TFAP2E: variants seen among roughly 807,000 people sequenced by gnomAD.
The protein encoded by TFAP2E is transcription factor AP-2 epsilon.
TFAP2E carries 30 observed loss-of-function variants against 37.9 expected under a neutral mutation model. The ratio of observed to expected loss-of-function variants is 0.79; its 90% CI spans 0.59 to 1.07. The LOEUF (loss-of-function observed/expected upper bound fraction) is 1.07. TFAP2E is among the 50% of genes least tolerant of loss of function. The pLI is 0.00. For synonymous variants in TFAP2E, 318 were observed against 295.8 expected (o/e 1.08, Z -0.77); for missense variants, 567 against 637.9 (o/e 0.89, Z 1.20).
At chr1:35,578,026 G>A (rs1649233217) in intron 3 of TFAP2E, among the ~76,000 whole-genome samples, 1 of 152,158 alleles carries the variant, frequency 6.6e-6, no homozygotes, top group Non-Finnish European at 1.5e-5. Context: ...GGGGCTGTAT[G>A]GGACGCGGGA....
At chr1:35,584,570 G>T (rs1278638578) in intron 3 of TFAP2E, among the ~76,000 whole-genome samples, 3 of 150,616 alleles carry the variant, frequency 2.0e-5, no homozygotes, top group African/African-American at 7.5e-5. Flanking sequence ...TTGTTTTTGA[G>T]ACAGGGTCTC....
Position 35,588,371 on chromosome 1 carries a change from T to C in TFAP2E, c.604T>C (p.Leu202=). ...AGCCAGCAGCCTCTCAGCCCTCTCC[T>C]TGGCCAAAGACAGCCTGGTGGGCGG... ...SKASSLSALS[L]AKDSLVGGIT... is the part of the protein sequence containing the mutation. Residue 202 remains leucine (L), a synonymous_variant, in exon 4 of 7, where the codon TTG becomes CTG. Coordinates refer to ENST00000373235, the MANE Select transcript of TFAP2E (RefSeq NM_178548.4). The surrounding 1 kb of genome is among the most constrained non-coding windows in gnomAD (Gnocchi z 5.1). 1 of 1,613,652 alleles carries C rather than the reference T, an allele frequency of 6.2e-7. No homozygotes were observed. The highest frequency in any genetic ancestry group is 8.5e-7 in the Non-Finnish European group (1 of 1,179,954).
At chr1:35,586,423 T>C (rs1649482507) in intron 3 of TFAP2E, among the ~76,000 whole-genome samples, 1 of 152,184 alleles carries the variant, frequency 6.6e-6, no homozygotes, top group Non-Finnish European at 1.5e-5. Flanking sequence ...GACCGGGCTC[T>C]GATGAGTTTT....
In TFAP2E at chr1:35,573,512, C is replaced by T. The variant is rs1649069552; in HGVS notation, c.-66C>T. On this transcript the variant is annotated 5_prime_UTR_variant, in exon 1 of 7. Transcript: ENST00000373235. This position sits in a 1 kb window ranked among gnomAD's most constrained non-coding sequence, Gnocchi z 5.9. Reference sequence around the variant, plus strand: ...TGTGCCGGCTCCCGGCGCCTCTGCCCGCAGCGCTCGCCGTCGGGCTAGGGC... The same window carrying T: ...TGTGCCGGCTCCCGGCGCCTCTGCCTGCAGCGCTCGCCGTCGGGCTAGGGC... 2 of 1,447,674 alleles carry T rather than the reference C, an allele frequency of 1.4e-6. No homozygotes were observed. The highest frequency in any genetic ancestry group is 3.0e-5 in the Admixed American group (1 of 33,686). 89.7% of individuals were successfully genotyped at this position (1,447,674 alleles called of 1,614,324 possible).
Position 35,590,852 on chromosome 1 carries a change from C to T in TFAP2E, c.1046+77C>T. Reference sequence around the variant, plus strand: ...CATCATGTATGGGCACAATGGACACCACTGTGTACATGAGCAGTGGGCACA... The same window carrying T: ...CATCATGTATGGGCACAATGGACACTACTGTGTACATGAGCAGTGGGCACA... On this transcript the variant is annotated intron_variant, in intron 6 of 6. Transcript: ENST00000373235. This position sits in a 1 kb window ranked among gnomAD's most constrained non-coding sequence, Gnocchi z 6.2. 8 of 1,314,532 alleles carry T rather than the reference C, an allele frequency of 6.1e-6. No homozygotes were observed. Among genetic ancestry groups the T allele is most frequent in the Non-Finnish European group, 7.9e-6 (8 of 1,017,788 alleles). The allele number at this position is 1,314,532 out of a possible 1,614,324, so 81.4% of individuals were successfully genotyped here.
At chr1:35,583,930 G>T (rs939138412) in intron 3 of TFAP2E, among the ~76,000 whole-genome samples, 4 of 152,144 alleles carry the variant, frequency 2.6e-5, no homozygotes, top group Non-Finnish European at 4.4e-5. Flanking sequence ...AAACACATGA[G>T]CAATGTCATC....
At chr1:35,582,387 A>G (rs1649372738) in intron 3 of TFAP2E, among the ~76,000 whole-genome samples, 3 of 151,860 alleles carry the variant, frequency 2.0e-5, no homozygotes, top group Admixed American at 1.3e-4. Flanking sequence ...TATATAATAT[A>G]TTCTGAATAC....
At chr1:35,591,720 C>G (rs1311501958) in intron 6 of TFAP2E, among the ~76,000 whole-genome samples, 2 of 152,218 alleles carry the variant, frequency 1.3e-5, no homozygotes, top group Non-Finnish European at 2.9e-5. Context: ...GAGTTTCGCT[C>G]TTGTTTCCCA....
rs368926776 is a variant in TFAP2E at position 35,594,682 on chromosome 1, T to A, written c.*6T>A. 1.2e-5 allele frequency: 20 copies of A among 1,613,356 alleles called. No homozygotes were observed. In the Middle Eastern group the frequency reaches 5.4e-4, roughly 43 times the overall value. On this transcript the variant is annotated 3_prime_UTR_variant, in exon 7 of 7. Transcript: ENST00000373235. ...ATGCCAAGCATCGGAAATAACTGCT[T>A]CTCCCACCCCATCCCTAAGGGGCTC...
At chr1:35,578,449 A>C (rs1280074511) in intron 3 of TFAP2E, among the ~76,000 whole-genome samples, 1 of 151,616 alleles carries the variant, frequency 6.6e-6, no homozygotes, top group African/African-American at 2.4e-5. Flanking sequence ...AAAAAGTTAC[A>C]AACCGTGTGT....
In TFAP2E at chr1:35,574,181, G is replaced by T. The variant is rs1275068489; in HGVS notation, c.282G>T (p.Gln94His). 8.7e-6 allele frequency: 12 copies of T among 1,375,752 alleles called. No individual in the cohort carries two copies. Among genetic ancestry groups the T allele is most frequent in the Non-Finnish European group, 1.1e-5 (12 of 1,065,606 alleles). The allele number at this position is 1,375,752 out of a possible 1,614,324, so 85.2% of individuals were successfully genotyped here. ...YGGLAPLAQP[Q>H]PPQAAWAAPR... is the part of the protein sequence containing the mutation. ...GCCTGGCGCCCCTGGCGCAGCCGCA[G>T]CCTCCTCAGGCCGCCTGGGCCGCGC... The change falls in exon 2 of 7, where the codon CAG becomes CAT. Residue 94 changes from glutamine (Q) to histidine (H), a missense_variant. Coordinates refer to ENST00000373235, the MANE Select transcript of TFAP2E (RefSeq NM_178548.4).
Position 35,589,949 on chromosome 1 carries a change from G to T in TFAP2E, c.805G>T (p.Gly269Cys). ...GTCAAGGGCCAAGTCCAAAAATGGG[G>T]GCCGGTGTTTGCGGGAACGGTTAGA... is the stretch of plus-strand genomic sequence containing the variant. ...VLRRAKSKNGGRCLRERLEKI... is the reference protein window; with the variant it reads ...VLRRAKSKNGCRCLRERLEKI... Residue 269 changes from glycine (G) to cysteine (C), a missense_variant, in exon 5 of 7, where the codon GGC becomes TGC. Transcript: ENST00000373235. The T allele has an allele frequency of 6.2e-7, 1 of 1,614,064 alleles. No homozygotes were observed. The highest frequency in any genetic ancestry group is 8.5e-7 in the Non-Finnish European group (1 of 1,179,948).
In TFAP2E at chr1:35,590,907, G is replaced by A. The variant is rs539997136; in HGVS notation, c.1046+132G>A. On this transcript the variant is annotated intron_variant, in intron 6 of 6. Coordinates refer to ENST00000373235, the MANE Select transcript of TFAP2E (RefSeq NM_178548.4). The surrounding 1 kb of genome is among the most constrained non-coding windows in gnomAD (Gnocchi z 6.2). ...CGTATTTGCGCACCACTGTGTACACGAGCAGTGGGCACACACACATACGTG... is the reference window on the plus strand; with the variant it reads ...CGTATTTGCGCACCACTGTGTACACAAGCAGTGGGCACACACACATACGTG... The A allele has an allele frequency of 7.5e-5, 80 of 1,072,642 alleles. No homozygotes were observed. Among genetic ancestry groups the A allele is most frequent in the Non-Finnish European group, 9.3e-5 (77 of 825,906 alleles). The allele number at this position is 1,072,642 out of a possible 1,614,324, so 66.4% of individuals were successfully genotyped here. A position where few individuals can be genotyped will look rare whatever the true frequency, so the allele number is the denominator to read the frequency against.
chr1:35,573,995 C>T lies in TFAP2E; in HGVS notation c.96C>T (p.Tyr32=), dbSNP rs1172958154. The T allele has an allele frequency of 1.5e-5, 22 of 1,480,718 alleles. No individual in the cohort carries two copies. Among genetic ancestry groups the T allele is most frequent in the Non-Finnish European group, 1.9e-5 (21 of 1,125,018 alleles). 91.7% of individuals were successfully genotyped at this position (1,480,718 alleles called of 1,614,324 possible). A position where few individuals can be genotyped will look rare whatever the true frequency, so the allele number is the denominator to read the frequency against. Residue 32 remains tyrosine (Y), a synonymous_variant, in exon 2 of 7, where the codon TAC becomes TAT. Transcript: ENST00000373235. This position sits in a 1 kb window ranked among gnomAD's most constrained non-coding sequence, Gnocchi z 5.9. ...ARLSSLPQAA[Y]GPAPPLCHTP... ...TGTCGTCTCTGCCCCAGGCGGCCTA[C>T]GGGCCGGCGCCCCCGCTCTGCCACA...
Position 35,590,638 on chromosome 1 carries a change from G to T in TFAP2E, c.909G>T (p.Glu303Asp), listed in dbSNP as rs1397387925. 1 of 1,496,878 alleles carries T rather than the reference G, an allele frequency of 6.7e-7. No individual in the cohort carries two copies. The highest frequency in any genetic ancestry group is 9.0e-7 in the Non-Finnish European group (1 of 1,110,826). The allele number at this position is 1,496,878 out of a possible 1,614,324, so 92.7% of individuals were successfully genotyped here. A position where few individuals can be genotyped will look rare whatever the true frequency, so the allele number is the denominator to read the frequency against. Residue 303 changes from glutamate (E) to aspartate (D), a missense_variant, in exon 6 of 7, where the codon GAG becomes GAT. Around this residue, in one of 3 missense-constraint regions of TFAP2E, gnomAD observed 252 missense variants for 302.6 expected, o/e 0.83. Transcript: ENST00000373235. This position sits in a 1 kb window ranked among gnomAD's most constrained non-coding sequence, Gnocchi z 6.2. ...TGACAGCTCCCCTCCCCCCAGGAGA[G>T]GCCGTGCACCTGGCCCGAGACTTCG... ...VTLLTSLVEG[E>D]AVHLARDFGY...
At chr1:35,574,472 A>G in intron 2 of TFAP2E, 63 bp downstream of exon 2, 1 of 1,352,974 alleles carries the variant, frequency 7.4e-7, no homozygotes, top group Non-Finnish European at 9.5e-7. Context: ...CCATGGCTGG[A>G]GGCAGAAGGT....
rs1315533817 is a variant in TFAP2E at position 35,595,009 on chromosome 1, G to A, written c.*333G>A. The A allele has an allele frequency of 2.9e-6, 1 of 342,070 alleles. No homozygotes were observed. The highest frequency in any genetic ancestry group is 5.4e-6 in the Non-Finnish European group (1 of 185,942). The allele number at this position is 342,070 out of a possible 1,614,324, so 21.2% of individuals were successfully genotyped here. On this transcript the variant is annotated 3_prime_UTR_variant, in exon 7 of 7. Coordinates refer to ENST00000373235, the MANE Select transcript of TFAP2E (RefSeq NM_178548.4). ...TCCATTAGCGTGGCTGGGTGGCCGT[G>A]GGTGCTTCTAGAGGCCAAAGCCTTT...
At position 35,588,343 on chromosome 1, in the gene TFAP2E, C is replaced by A; in HGVS notation, c.576C>A (p.Ser192=). The A allele has an allele frequency of 6.2e-7, 1 of 1,612,692 alleles. No individual in the cohort carries two copies. Among genetic ancestry groups the A allele is most frequent in the Non-Finnish European group, 8.5e-7 (1 of 1,179,362 alleles). The change falls in exon 4 of 7, where the codon TCC becomes TCA. Residue 192 remains serine, a synonymous_variant. Coordinates refer to ENST00000373235, the MANE Select transcript of TFAP2E (RefSeq NM_178548.4). This position sits in a 1 kb window ranked among gnomAD's most constrained non-coding sequence, Gnocchi z 5.1. ...TCTTCTCCACAGTGCCCATCCCCTC[C>A]AAAGCCAGCAGCCTCTCAGCCCTCT... is the stretch of plus-strand genomic sequence containing the variant. ...QSVIKKVPIP[S]KASSLSALSL... is the part of the protein sequence containing the mutation.
rs750020139 is a variant in TFAP2E at position 35,577,851 on chromosome 1, G to A, written c.562+2851G>A. 2.1e-5 allele frequency: 4 copies of A among 193,786 alleles called. No homozygotes were observed. Among genetic ancestry groups the A allele is most frequent in the Non-Finnish European group, 3.3e-5 (3 of 90,784 alleles). The allele number at this position is 193,786 out of a possible 1,614,324, so 12.0% of individuals were successfully genotyped here. A position where few individuals can be genotyped will look rare whatever the true frequency, so the allele number is the denominator to read the frequency against. ...ATGCCAGTTGCATCCGCGGTATTGGGCAGGAAATGGCAGGGCTGAGGCCGA... is the reference window on the plus strand; with the variant it reads ...ATGCCAGTTGCATCCGCGGTATTGGACAGGAAATGGCAGGGCTGAGGCCGA... On this transcript the variant is annotated intron_variant, in intron 3 of 6. Coordinates refer to ENST00000373235, the MANE Select transcript of TFAP2E (RefSeq NM_178548.4). This position sits in a 1 kb window ranked among gnomAD's most constrained non-coding sequence, Gnocchi z 6.3.
Sources: allele counts gnomAD v4.1 joint callset (sites outside exome capture counted in the v4.1 genomes callset), GRCh38; gene constraint gnomAD v4.1.1; regional missense constraint gnomAD v4.1.1; non-coding constraint Gnocchi (gnomAD v3.1); transcripts MANE v1.5; gene names NCBI Gene and HGNC (gene_info 2026-07-23, HGNC 2026-07-21).